The following KIFBP variants were observed in gnomAD, a reference collection of about 807,000 sequenced individuals.
The protein encoded by KIFBP is KIF-binding protein.
A neutral mutation model predicts 58.9 loss-of-function variants in KIFBP; 46 were observed. The ratio of observed to expected loss-of-function variants is 0.78; its 90% confidence interval spans 0.62 to 1.00. The LOEUF is 1.00. KIFBP is among the 50% of genes least tolerant of loss of function. KIFBP has a pLI of 0.00. For synonymous variants in KIFBP, 241 were observed against 283.4 expected, an observed-to-expected ratio of 0.85 and a Z score of 1.50; for missense variants, 651 against 752.9, an observed-to-expected ratio of 0.86 and a Z score of 1.58.
intron 2 of KIFBP, among the ~76,000 whole-genome samples, chr10:69,003,044 CAA>C (rs5785887): frequency 1.9e-4 from 20 of 105,538 alleles, no homozygotes; most frequent in Admixed American, 3.0e-4. Flanking sequence ...CCCGTCTTTA[CAA>C]AAAAAAAAAA....
intron 1 of KIFBP, chr10:68,991,516 T>G: frequency 2.3e-6 from 1 of 438,760 alleles, no homozygotes; most frequent in Non-Finnish European, 4.7e-6. Flanking sequence ...ATTGGAGACA[T>G]GCACTGGTCC....
intron 4 of KIFBP, chr10:69,007,498 G>A (rs1843547953): frequency 6.6e-6 from 1 of 152,170 alleles, no homozygotes; most frequent in African/African-American, 2.4e-5. Context: ...CTCACAGGGA[G>A]CCAATCTGGA....
At chr10:69,008,418 A>ATATATATATATATATATT (rs1159262992) in intron 4 of KIFBP, among the ~76,000 whole-genome samples, 1 of 139,598 alleles carries the variant, frequency 7.2e-6, no homozygotes, top group African/African-American at 2.8e-5. Flanking sequence ...ATATATATAT[A>ATATATATATATATATATT]TTCAGTCTTC....
chr10:68,998,621 A>G (rs988779359), intron 1 of KIFBP, among the ~76,000 whole-genome samples: 1 of 151,568 alleles, frequency 6.6e-6, no homozygotes, highest in African/African-American at 2.4e-5. Flanking sequence ...TTCTGCATTA[A>G]AAACTTCCTT....
chr10:69,008,391 A>AATATATATATATATATAT (rs1173764355), intron 4 of KIFBP, among the ~76,000 whole-genome samples: 11 of 71,574 alleles, frequency 1.5e-4, no homozygotes, highest in African/African-American at 7.0e-4. Flanking sequence ...AAAAAAAAAA[A>AATATATATATATATATAT]ATATATATAT....
Position 69,005,756 on chromosome 10 carries a change from CCT to C in KIFBP, c.631_632del (p.Leu211IlefsTer14), listed in dbSNP as rs1233068390. The C allele has an allele frequency of 6.2e-7, 1 of 1,611,772 alleles. No homozygotes were observed. The highest frequency in any genetic ancestry group is 8.5e-7 in the Non-Finnish European group (1 of 1,178,098). Reference sequence around the variant, plus strand: ...GATTTGAAAAGGTTTATACTCATAACCTATATTACCTAGCTCAAGTCTACCAG... The same window carrying C: ...GATTTGAAAAGGTTTATACTCATAACATATTACCTAGCTCAAGTCTACCAG... ...KRFEKVYTHNLYYLAQVYQHL... is the reference protein window; with the variant it reads ...KRFEKVYTHNXYYLAQVYQHL... On this transcript the variant is annotated frameshift_variant, in exon 4 of 7. Transcript: ENST00000361983. LOFTEE classifies it high-confidence loss of function.
intron 1 of KIFBP, among the ~76,000 whole-genome samples, chr10:68,997,627 G>A (rs993404901): frequency 2.0e-5 from 3 of 151,816 alleles, no homozygotes; most frequent in African/African-American, 7.3e-5. Flanking sequence ...ATAGCAATAT[G>A]AGAATGAACT....
chr10:69,015,721 G>T lies in KIFBP; in HGVS notation c.1171G>T (p.Glu391Ter). 6.2e-7 allele frequency: 1 copy of T among 1,614,194 alleles called. No homozygotes were observed. The highest frequency in any genetic ancestry group is 2.2e-5 in the East Asian group (1 of 44,886). ...VSYLRPLDFE[E>*]ARELFLLGQH... is the part of the protein sequence containing the mutation. The stretch of plus-strand genomic sequence containing the variant: ...CTACTTGAGACCTTTAGATTTTGAA[G>T]AAGCCAGAGAACTTTTCTTATTGGG... Residue 391 changes from glutamate (E) to a stop codon, truncating the protein, a stop_gained, in exon 7 of 7, where the codon GAA (glutamate) becomes TAA (stop). Coordinates refer to ENST00000361983, the MANE Select transcript of KIFBP (RefSeq NM_015634.4). LOFTEE classifies it high-confidence loss of function.
chr10:68,996,099 A>T (rs911490504), intron 1 of KIFBP, among the ~76,000 whole-genome samples: 5 of 152,020 alleles, frequency 3.3e-5, no homozygotes, highest in Admixed American at 6.6e-5. Context: ...CGGAGGTTGC[A>T]GTGAGCCAAG....
chr10:69,015,881 G>A lies in KIFBP; in HGVS notation c.1331G>A (p.Cys444Tyr). The A allele has an allele frequency of 1.2e-6, 2 of 1,614,130 alleles. No individual in the cohort carries two copies. Among genetic ancestry groups the A allele is most frequent in the Non-Finnish European group, 1.7e-6 (2 of 1,180,026 alleles). Residue 444 changes from cysteine (C) to tyrosine (Y), a missense_variant, in exon 7 of 7, where the codon TGC (cysteine) becomes TAC (tyrosine). Transcript: ENST00000361983. ...TTTGAAACTGACATGGAGAGACGGTGCAAGATGCATAAACGCAGAATAGCC... is the reference window on the plus strand; with the variant it reads ...TTTGAAACTGACATGGAGAGACGGTACAAGATGCATAAACGCAGAATAGCC... ...AFFETDMERR[C>Y]KMHKRRIAML...
chr10:68,989,126 G>A lies in KIFBP; in HGVS notation c.294G>A (p.Glu98=), dbSNP rs1589292435. The A allele has an allele frequency of 1.2e-6, 2 of 1,611,248 alleles. No individual in the cohort carries two copies. Among genetic ancestry groups the A allele is most frequent in the East Asian group, 4.5e-5 (2 of 44,806 alleles). Residue 98 remains glutamate, a synonymous_variant, in exon 1 of 7, where the codon GAG becomes GAA. Coordinates refer to ENST00000361983, the MANE Select transcript of KIFBP (RefSeq NM_015634.4). ...GAGCGGTGAGGCTGGCAGTCATCGA[G>A]TTCCACCTCGGGGTGAACCACATCG... ...AQRAVRLAVI[E]FHLGVNHIDT...
Position 68,989,173 on chromosome 10 carries a change from G to C in KIFBP, c.341G>C (p.Gly114Ala). The C allele has an allele frequency of 6.2e-7, 1 of 1,613,758 alleles. No homozygotes were observed. The highest frequency in any genetic ancestry group is 8.5e-7 in the Non-Finnish European group (1 of 1,179,892). ...NHIDTEELSAGEEHLVKCLRL... is the reference protein window; with the variant it reads ...NHIDTEELSAAEEHLVKCLRL... ...ATCGACACGGAGGAGCTGTCGGCGG[G>C]GGAGGAGCACCTGGTGAAATGCCTG... Residue 114 changes from glycine (G) to alanine (A), a missense_variant, in exon 1 of 7, where the codon GGG becomes GCG. Physicochemically the swap from Gly to Ala is moderately conservative, Grantham distance 60 (BLOSUM62 0). Coordinates refer to ENST00000361983, the MANE Select transcript of KIFBP (RefSeq NM_015634.4).
At chr10:68,990,384 CA>C (rs1564633544) in intron 1 of KIFBP, among the ~76,000 whole-genome samples, 1 of 151,674 alleles carries the variant, frequency 6.6e-6, no homozygotes, top group East Asian at 1.9e-4. Context: ...CAAAACAAAA[CA>C]AAAAACCCAC....
At chr10:69,012,888 T>G (rs1283508073) in intron 6 of KIFBP, among the ~76,000 whole-genome samples, 1 of 151,894 alleles carries the variant, frequency 6.6e-6, no homozygotes, top group African/African-American at 2.4e-5. Flanking sequence ...ACAAAAGAAC[T>G]ACCTGAGACT....
chr10:68,991,135 G>A (rs944253777), intron 1 of KIFBP: 1 of 152,494 alleles, frequency 6.6e-6, no homozygotes, highest in African/African-American at 2.4e-5. Context: ...ATTATTCCAG[G>A]CATGGCTGCT....
intron 4 of KIFBP, among the ~76,000 whole-genome samples, chr10:69,008,391 A>ATATATATATATATAT (rs1554843385): frequency 4.5e-4 from 32 of 71,592 alleles, no homozygotes; most frequent in African/African-American, 6.2e-4. Flanking sequence ...AAAAAAAAAA[A>ATATATATATATATAT]ATATATATAT....
intron 1 of KIFBP, chr10:68,991,510 G>T: frequency 2.3e-6 from 1 of 431,166 alleles, no homozygotes. Context: ...AATAACATTG[G>T]AGACATGCAC....
rs371526064 is a variant in KIFBP, at chr10:69,001,461, A to G, written c.525+939A>G. Among the ~76,000 whole-genome samples, 13 of 152,338 alleles carry G rather than the reference A, an allele frequency of 8.5e-5. No homozygotes were observed. The East Asian group carries it at 2.3e-3, about 27-fold the overall frequency. ...TTTGTCACAGCTATCTGCTTTAAAA[A>G]TCCATTAATACGGCTGAGCATGGTG... On this transcript the variant is annotated intron_variant, in intron 2 of 6. Coordinates refer to ENST00000361983, the MANE Select transcript of KIFBP (RefSeq NM_015634.4).
In KIFBP at chr10:69,004,914, A is replaced by G. The variant is rs148733581; in HGVS notation, c.526-132A>G. On this transcript the variant is annotated intron_variant, in intron 2 of 6. Transcript: ENST00000361983. ...AAAACAGAAAATTACTTCTTGAGTAACATAAAAATGAACTAGGAAAAAATG... is the reference window on the plus strand; with the variant it reads ...AAAACAGAAAATTACTTCTTGAGTAGCATAAAAATGAACTAGGAAAAAATG... 6.1e-4 allele frequency: 406 copies of G among 664,732 alleles called. 1 individual carries two copies. In the African/African-American group the frequency reaches 7.2e-3, roughly 12 times the overall value. 41.2% of individuals were successfully genotyped at this position (664,732 alleles called of 1,614,324 possible).
Sources: allele counts gnomAD v4.1 joint callset (sites outside exome capture counted in the v4.1 genomes callset), GRCh38; gene constraint gnomAD v4.1.1; transcripts MANE v1.5; gene names NCBI Gene and HGNC (gene_info 2026-07-23, HGNC 2026-07-21).